SLC4A5: variants seen among roughly 807,000 people sequenced by gnomAD.
The protein encoded by SLC4A5 is solute carrier family 4 member 5.
SLC4A5 carries 96 observed loss-of-function variants against 120.4 expected under a neutral mutation model. That is an observed-to-expected ratio of 0.80 (90% CI 0.68 to 0.94). SLC4A5 has a LOEUF of 0.94. SLC4A5 is among the 40% of genes least tolerant of loss of function. SLC4A5 has a pLI of 0.00. For missense variants in SLC4A5, 1,259 were observed against 1,459.5 expected (o/e 0.86, Z 2.24); for synonymous variants, 550 against 571.1 (o/e 0.96, Z 0.53).
chr2:74,283,891 G>A (rs1354515313), intron 8 of SLC4A5, among the ~76,000 whole-genome samples: 2 of 148,364 alleles, frequency 1.3e-5, no homozygotes, highest in Non-Finnish European at 3.0e-5. Flanking sequence ...AGGTTGGAGT[G>A]TAATGGCACA....
At chr2:74,335,145 G>C (rs1173627478) in intron 3 of SLC4A5, among the ~76,000 whole-genome samples, 1 of 152,142 alleles carries the variant, frequency 6.6e-6, no homozygotes, top group Non-Finnish European at 1.5e-5. Context: ...TTACAGATGA[G>C]GAAACCACTT....
At chr2:74,322,955 T>C (rs1168735182) in intron 5 of SLC4A5, among the ~76,000 whole-genome samples, 1 of 152,114 alleles carries the variant, frequency 6.6e-6, no homozygotes, top group Non-Finnish European at 1.5e-5. Flanking sequence ...GAGAAGATAA[T>C]GGGCAGGGTG....
chr2:74,262,303 C>A, intron 10 of SLC4A5, 71 bp from the exon 11 acceptor site: 1 of 1,194,872 alleles, frequency 8.4e-7, no homozygotes. Context: ...TGGGTTAGTT[C>A]ACTTTAACTA....
chr2:74,311,824 T>C (rs1323593368), intron 6 of SLC4A5, among the ~76,000 whole-genome samples: 1 of 152,216 alleles, frequency 6.6e-6, no homozygotes, highest in Non-Finnish European at 1.5e-5. Flanking sequence ...ATCCAGGTGA[T>C]TTATATGCTG....
intron 8 of SLC4A5, among the ~76,000 whole-genome samples, chr2:74,274,397 G>T (rs1276204173): frequency 6.7e-6 from 1 of 149,430 alleles, no homozygotes; most frequent in African/African-American, 2.5e-5. Context: ...ATGAAAATAT[G>T]TATGTGAGAT....
exon 23 of SLC4A5, chr2:74,233,516 G>C: frequency 6.2e-7 from 1 of 1,614,124 alleles, no homozygotes; most frequent in Non-Finnish European, 8.5e-7. Context: ...CCCACCACGG[G>C]TTCTTCCCAA....
chr2:74,220,182 A>G (rs1011012216), intron 30 of SLC4A5, among the ~76,000 whole-genome samples: 1 of 152,108 alleles, frequency 6.6e-6, no homozygotes, highest in African/African-American at 2.4e-5. Flanking sequence ...CTCTAAATTC[A>G]TCTTTTCTGT....
At chr2:74,220,726 C>A (rs990224742) in intron 30 of SLC4A5, among the ~76,000 whole-genome samples, 1 of 150,688 alleles carries the variant, frequency 6.6e-6, no homozygotes, top group East Asian at 1.9e-4. Context: ...CCATGTTAGC[C>A]AGGATGGTCT....
chr2:74,250,133 T>G (rs1670744130), intron 17 of SLC4A5, among the ~76,000 whole-genome samples: 1 of 152,244 alleles, frequency 6.6e-6, no homozygotes, highest in Admixed American at 6.5e-5. Flanking sequence ...TCATTAAGTT[T>G]GGTCTTTAGT....
At chr2:74,338,407 G>C (rs919504872) in intron 3 of SLC4A5, among the ~76,000 whole-genome samples, 1 of 152,200 alleles carries the variant, frequency 6.6e-6, no homozygotes, top group African/African-American at 2.4e-5. Context: ...CAGATATCAA[G>C]AAATTTTTCA....
At chr2:74,228,004 G>T in intron 25 of SLC4A5, 126 bp from the exon 26 acceptor site, 1 of 669,442 alleles carries the variant, frequency 1.5e-6, no homozygotes, top group Non-Finnish European at 2.5e-6. Context: ...GGAACAGAGA[G>T]TCAGCAGAAC....
chr2:74,254,811 G>T (rs879077967), intron 13 of SLC4A5, 105 bp from the exon 14 acceptor site: 6 of 796,226 alleles, frequency 7.5e-6, no homozygotes, highest in Admixed American at 2.4e-5. Flanking sequence ...GCCCTGAACA[G>T]TATGCATTTT....
chr2:74,336,735 C>T (rs1673500243), intron 3 of SLC4A5, among the ~76,000 whole-genome samples: 1 of 152,126 alleles, frequency 6.6e-6, no homozygotes, highest in African/African-American at 2.4e-5. Context: ...ATTATAAAAT[C>T]ATAATAGTTA....
At chr2:74,250,567 A>G in intron 16 of SLC4A5, 50 bp from the exon 17 acceptor site, 1 of 1,604,118 alleles carries the variant, frequency 6.2e-7, no homozygotes, top group Non-Finnish European at 8.5e-7. Flanking sequence ...ACACCAGTGC[A>G]GGGGCAGGGC....
chr2:74,333,479 A>T (rs1328580143), intron 4 of SLC4A5, among the ~76,000 whole-genome samples: 1 of 152,240 alleles, frequency 6.6e-6, no homozygotes, highest in East Asian at 1.9e-4. Flanking sequence ...AAAAATAAAA[A>T]TAAATAACAA....
exon 30 of SLC4A5, chr2:74,221,499 T>C (rs771873381): frequency 3.1e-6 from 5 of 1,614,150 alleles, no homozygotes; most frequent in South Asian, 2.2e-5. Context: ...GAAGATCTTT[T>C]TCCTGGCAGG....
At chr2:74,334,323 G>A (rs549537947) in intron 3 of SLC4A5, 146 bp from the exon 4 acceptor site, 2 of 152,266 alleles carry the variant, frequency 1.3e-5, no homozygotes, top group East Asian at 1.9e-4. Context: ...CTATGGACTC[G>A]GCTCACTCTA....
chr2:74,337,234 G>C (rs1252517928), intron 3 of SLC4A5, among the ~76,000 whole-genome samples: 1 of 152,274 alleles, frequency 6.6e-6, no homozygotes, highest in East Asian at 1.9e-4. Flanking sequence ...TCTAGGCCAA[G>C]AGGACCCCAG....
chr2:74,253,706 G>C (rs1216863370), intron 14 of SLC4A5, among the ~76,000 whole-genome samples: 1 of 152,044 alleles, frequency 6.6e-6, no homozygotes, highest in Non-Finnish European at 1.5e-5. Context: ...ATGTGAAAAT[G>C]CAATATAAAA....
Sources: gnomAD v4.1 joint callset for allele counts (sites outside exome capture counted in the v4.1 genomes callset) on GRCh38, gnomAD v4.1.1 for gene constraint, MANE v1.5 for transcripts, NCBI Gene and HGNC (gene_info 2026-07-23, HGNC 2026-07-21) for gene names.